KLHL7: variants seen among roughly 807,000 people sequenced by gnomAD.
The protein encoded by KLHL7 is kelch like family member 7, also known as kelch-like protein 7.
KLHL7 carries 44 observed loss-of-function variants against 67.4 expected under a neutral mutation model. The ratio of observed to expected loss-of-function variants is 0.65; its 90% confidence interval spans 0.51 to 0.84. The LOEUF (loss-of-function observed/expected upper bound fraction) is 0.84. Among genes scored for constraint, KLHL7 ranks in the 40% least tolerant of loss-of-function variants. The probability of loss-of-function intolerance (pLI) is 0.00; values close to 1 mark genes in which losing one functional copy is unlikely to be tolerated. For synonymous variants in KLHL7, 252 were observed against 243.3 expected (o/e 1.04, Z -0.33); for missense variants, 362 against 718.1 (o/e 0.50, Z 5.67).
At chr7:23,140,642 A>C (rs1365781036) in intron 4 of KLHL7, 127 bp from the exon 5 acceptor site, 1 of 786,200 alleles carries the variant, frequency 1.3e-6, no homozygotes, top group South Asian at 1.5e-5. Flanking sequence ...AAATCAATGA[A>C]ACAGAAACGG....
chr7:23,136,231 T>C (rs1783971735), intron 4 of KLHL7, among the ~76,000 whole-genome samples: 1 of 152,188 alleles, frequency 6.6e-6, no homozygotes, highest in Non-Finnish European at 1.5e-5. Flanking sequence ...GAAAATTGCA[T>C]TTCAAGGCAT....
rs1197975920 is a variant in KLHL7 at position 23,174,068 on chromosome 7, G to A, written c.1531G>A (p.Val511Ile). ...YDIKLNEWKM[V>I]SPMPWKGVTV... Reference sequence around the variant, plus strand: ...TATTAAGTTGAACGAATGGAAGATGGTCTCACCAATGCCATGGAAGGGTGT... The same window carrying A: ...TATTAAGTTGAACGAATGGAAGATGATCTCACCAATGCCATGGAAGGGTGT... The change falls in exon 11 of 11, where the codon GTC becomes ATC. Residue 511 changes from valine to isoleucine, a missense_variant. Val to Ile is a conservative substitution (Grantham distance 29). Coordinates refer to ENST00000339077, the MANE Select transcript of KLHL7 (RefSeq NM_001031710.3). 3 of 1,614,034 alleles carry A rather than the reference G, an allele frequency of 1.9e-6. No homozygotes were observed. The highest frequency in any genetic ancestry group is 2.7e-5 in the African/African-American group (2 of 74,924).
intron 2 of KLHL7, among the ~76,000 whole-genome samples, 197 bp from the exon 3 acceptor site, chr7:23,124,491 G>C (rs1000991571): frequency 4.6e-5 from 7 of 152,082 alleles, no homozygotes; most frequent in Non-Finnish European, 1.0e-4. Context: ...TCTTTTCTTA[G>C]CTTAATTTAA....
intron 4 of KLHL7, among the ~76,000 whole-genome samples, chr7:23,126,575 T>G (rs557157033): frequency 3.9e-5 from 6 of 152,178 alleles, no homozygotes; most frequent in Non-Finnish European, 7.3e-5. Flanking sequence ...ACGCAAAGAC[T>G]GATGCAAAGG....
chr7:23,139,683 A>C (rs1784110406), intron 4 of KLHL7, among the ~76,000 whole-genome samples: 1 of 152,248 alleles, frequency 6.6e-6, no homozygotes, highest in South Asian at 2.1e-4. Context: ...TGTGAAATTG[A>C]AACATGGAAA....
At chr7:23,138,694 C>T (rs1784074029) in intron 4 of KLHL7, among the ~76,000 whole-genome samples, 1 of 151,716 alleles carries the variant, frequency 6.6e-6, no homozygotes, top group African/African-American at 2.4e-5. Context: ...CGCGCCACCA[C>T]ACTCAGCTGA....
chr7:23,157,063 C>A (rs1293244227), intron 7 of KLHL7, among the ~76,000 whole-genome samples: 1 of 152,202 alleles, frequency 6.6e-6, no homozygotes, highest in Non-Finnish European at 1.5e-5. Context: ...AACAGTCCCA[C>A]CCTGTGATCA....
At chr7:23,146,600 A>C (rs545321875) in intron 6 of KLHL7, among the ~76,000 whole-genome samples, 17 of 151,672 alleles carry the variant, frequency 1.1e-4, no homozygotes, top group African/African-American at 4.1e-4. Context: ...AGATTTTTAA[A>C]AATTAGCTAA....
chr7:23,147,882 C>G (rs1484113178), intron 6 of KLHL7, among the ~76,000 whole-genome samples: 1 of 152,178 alleles, frequency 6.6e-6, no homozygotes, highest in Admixed American at 6.5e-5. Flanking sequence ...GAAGTTGAAA[C>G]AGACAAATTA....
intron 4 of KLHL7, among the ~76,000 whole-genome samples, chr7:23,137,188 G>A (rs1392437515): frequency 6.6e-6 from 1 of 152,194 alleles, no homozygotes; most frequent in East Asian, 1.9e-4. Flanking sequence ...AGGAGACTGG[G>A]GCGGGGGAAT....
At chr7:23,157,875 C>T (rs1308512105) in intron 7 of KLHL7, among the ~76,000 whole-genome samples, 1 of 152,130 alleles carries the variant, frequency 6.6e-6, no homozygotes, top group African/African-American at 2.4e-5. Context: ...TAAAAAGGGT[C>T]AGGGAGAGTG....
chr7:23,128,499 A>G (rs987135224), intron 4 of KLHL7, among the ~76,000 whole-genome samples: 2 of 151,752 alleles, frequency 1.3e-5, no homozygotes, highest in Non-Finnish European at 1.5e-5. Flanking sequence ...AACCTGATCA[A>G]TGAACTAAGA....
chr7:23,160,261 C>A (rs1291616285), intron 7 of KLHL7, among the ~76,000 whole-genome samples: 1 of 152,166 alleles, frequency 6.6e-6, no homozygotes, highest in Admixed American at 6.5e-5. Context: ...AAGGTAGCAG[C>A]ACAGGGATAC....
intron 2 of KLHL7, among the ~76,000 whole-genome samples, chr7:23,124,388 C>G (rs908091935): frequency 2.0e-5 from 3 of 151,572 alleles, no homozygotes; most frequent in Non-Finnish European, 4.4e-5. Context: ...CCTACTTCCT[C>G]TACTTAGTAC....
chr7:23,120,125 TC>T (rs1398828487), intron 1 of KLHL7, among the ~76,000 whole-genome samples: 6 of 152,168 alleles, frequency 3.9e-5, no homozygotes, highest in African/African-American at 1.2e-4. Context: ...TCCTCCCACC[TC>T]AGCCTCCCAA....
chr7:23,136,782 A>G (rs570253393), intron 4 of KLHL7, among the ~76,000 whole-genome samples: 6 of 152,346 alleles, frequency 3.9e-5, no homozygotes, highest in African/African-American at 1.2e-4. Flanking sequence ...ATTAAAGGTA[A>G]ACTTATAGGC....
At chr7:23,125,713 TA>T (rs1473301624) in intron 4 of KLHL7, 8 of 1,453,092 alleles carry the variant, frequency 5.5e-6, no homozygotes, top group Non-Finnish European at 7.3e-6. Context: ...GAGGGACTGC[TA>T]TAGCCATTTT....
chr7:23,119,937 T>C (rs557440090), intron 1 of KLHL7, among the ~76,000 whole-genome samples: 1 of 152,308 alleles, frequency 6.6e-6, no homozygotes, highest in African/African-American at 2.4e-5. Flanking sequence ...CTAATTTGGC[T>C]AAGATTTCCA....
chr7:23,144,177 T>A (rs1427365872), intron 6 of KLHL7, 152 bp downstream of exon 6: 7 of 709,136 alleles, frequency 9.9e-6, no homozygotes, highest in South Asian at 8.1e-5. Context: ...TTCTGAACTG[T>A]ACACCTGGAA....
Sources: gnomAD v4.1 joint callset for allele counts (sites outside exome capture counted in the v4.1 genomes callset) on GRCh38, gnomAD v4.1.1 for gene constraint, MANE v1.5 for transcripts, NCBI Gene and HGNC (gene_info 2026-07-23, HGNC 2026-07-21) for gene names.